The following ADK variants were observed in gnomAD, a reference collection of about 807,000 sequenced individuals.
ADK encodes the protein N6,N6-dimethyladenosine kinase.
Under a neutral mutation model 44.7 loss-of-function variants are expected in ADK, and 24 were observed. The observed-to-expected ratio is 0.54, with a 90% CI of 0.39 to 0.76. The LOEUF is 0.76. Ranked by LOEUF, ADK falls within the 30% of genes least tolerant of loss-of-function variation. The probability of loss-of-function intolerance (pLI) is 0.00; values close to 1 mark genes in which losing one functional copy is unlikely to be tolerated. For missense variants in ADK, 321 were observed against 425.1 expected (o/e 0.76, Z 2.15); for synonymous variants, 128 against 142.6 (o/e 0.90, Z 0.73).
In ADK at chr10:74,595,462, C is replaced by T. The variant is rs1353448224; in HGVS notation, c.763-4917C>T. Among the ~76,000 whole-genome samples, 4 of 142,476 alleles carry T rather than the reference C, an allele frequency of 2.8e-5. No individual in the cohort carries two copies. The South Asian group carries it at 6.9e-4, about 25-fold the overall frequency. 93.5% of individuals were successfully genotyped at this position (142,476 alleles called of 152,430 possible). ...CGTGATCTTTGCTCACTGCAAGCTC[C>T]GCCTCCCGGGTTCACTCCATTCTCC... On this transcript the variant is annotated intron_variant, in intron 8 of 10. Transcript: ENST00000539909.
At chr10:74,452,111 A>G (rs1187094233) in intron 6 of ADK, among the ~76,000 whole-genome samples, 2 of 152,006 alleles carry the variant, frequency 1.3e-5, no homozygotes, top group African/African-American at 2.4e-5. Flanking sequence ...TCTCCCTTGA[A>G]CAAATAACAG....
At chr10:74,594,403 A>T (rs1437476780) in intron 8 of ADK, among the ~76,000 whole-genome samples, 1 of 107,562 alleles carries the variant, frequency 9.3e-6, no homozygotes, top group East Asian at 1.3e-3. Context: ...AGAAGAAATA[A>T]AAAAAAAATT....
chr10:74,497,886 C>CTT (rs550233278), intron 6 of ADK, among the ~76,000 whole-genome samples: 1 of 144,966 alleles, frequency 6.9e-6, no homozygotes, highest in Non-Finnish European at 1.5e-5. Context: ...AAGACCTTTT[C>CTT]TTTTTTTTTT....
intron 9 of ADK, among the ~76,000 whole-genome samples, chr10:74,648,663 C>T (rs969642616): frequency 9.9e-5 from 15 of 151,304 alleles, no homozygotes; most frequent in South Asian, 6.3e-4. Context: ...GGTGACAAAG[C>T]GAGACTCCAT....
intron 9 of ADK, among the ~76,000 whole-genome samples, chr10:74,639,966 A>G (rs1853782507): frequency 6.6e-6 from 1 of 152,210 alleles, no homozygotes; most frequent in Non-Finnish European, 1.5e-5. Context: ...TTCATACTTT[A>G]AAAAACATAT....
chr10:74,507,769 G>A (rs934754704), intron 6 of ADK, among the ~76,000 whole-genome samples: 2 of 152,124 alleles, frequency 1.3e-5, no homozygotes, highest in Admixed American at 1.3e-4. Context: ...TAAGGTTATG[G>A]TCAGGTCAGA....
chr10:74,570,548 A>C (rs980768008), intron 7 of ADK, among the ~76,000 whole-genome samples: 3 of 152,240 alleles, frequency 2.0e-5, no homozygotes, highest in South Asian at 4.1e-4. Context: ...TTCTCTTTGA[A>C]GCAATTGTGA....
intron 6 of ADK, among the ~76,000 whole-genome samples, chr10:74,442,839 G>T (rs764394918): frequency 1.2e-4 from 19 of 152,100 alleles, no homozygotes; most frequent in Non-Finnish European, 2.5e-4. Context: ...CCTTAAAAAA[G>T]AAGGAAATCC....
intron 3 of ADK, among the ~76,000 whole-genome samples, chr10:74,240,314 T>C (rs1845156368): frequency 1.3e-5 from 2 of 152,086 alleles, no homozygotes; most frequent in African/African-American, 4.8e-5. Context: ...TATATAATCC[T>C]ATCAAAATAT....
chr10:74,242,836 G>C (rs999743617), intron 3 of ADK, among the ~76,000 whole-genome samples: 1 of 152,190 alleles, frequency 6.6e-6, no homozygotes, highest in Non-Finnish European at 1.5e-5. Flanking sequence ...AAAAGAGATG[G>C]CTTGACTTCG....
At chr10:74,215,928 T>A (rs1186279425) in intron 2 of ADK, among the ~76,000 whole-genome samples, 2 of 152,036 alleles carry the variant, frequency 1.3e-5, no homozygotes, top group African/African-American at 4.8e-5. Context: ...AGTGCTGGGA[T>A]TACAGGCGTG....
At chr10:74,159,210 A>T (rs1841829656) in intron 1 of ADK, among the ~76,000 whole-genome samples, 1 of 152,190 alleles carries the variant, frequency 6.6e-6, no homozygotes, top group Non-Finnish European at 1.5e-5. Flanking sequence ...TTTTACTTTC[A>T]TTGCATGCAT....
At chr10:74,622,992 A>AGT (rs1465698259) in intron 9 of ADK, among the ~76,000 whole-genome samples, 2 of 152,310 alleles carry the variant, frequency 1.3e-5, no homozygotes, top group South Asian at 2.1e-4. Context: ...GGACAACAAG[A>AGT]GTGAAACTCC....
chr10:74,572,499 G>A (rs971180128), intron 7 of ADK, among the ~76,000 whole-genome samples: 4 of 152,046 alleles, frequency 2.6e-5, no homozygotes, highest in Non-Finnish European at 5.9e-5. Flanking sequence ...TGCTCTTCTC[G>A]AGGAGTATCT....
At chr10:74,423,878 C>T (rs1844675259) in intron 6 of ADK, 1 of 243,680 alleles carries the variant, frequency 4.1e-6, no homozygotes, top group Non-Finnish European at 8.5e-6. Flanking sequence ...AGGAAGGCTG[C>T]TCTGATTATG....
chr10:74,176,210 G>C (rs973547976), intron 1 of ADK, among the ~76,000 whole-genome samples: 1 of 152,170 alleles, frequency 6.6e-6, no homozygotes, highest in Non-Finnish European at 1.5e-5. Flanking sequence ...GTTCAGGAAC[G>C]TTTGGGACCA....
intron 9 of ADK, among the ~76,000 whole-genome samples, chr10:74,637,332 A>T (rs1345580811): frequency 6.6e-6 from 1 of 152,222 alleles, no homozygotes; most frequent in Non-Finnish European, 1.5e-5. Flanking sequence ...AGAAAAAAAA[A>T]TGCCTTGAAT....
chr10:74,326,514 G>A (rs181662570), intron 4 of ADK, among the ~76,000 whole-genome samples: 12 of 152,154 alleles, frequency 7.9e-5, no homozygotes, highest in African/African-American at 2.6e-4. Flanking sequence ...GGGAGGCTGA[G>A]GCAGGAGGAT....
intron 9 of ADK, among the ~76,000 whole-genome samples, chr10:74,668,600 A>G (rs904660401): frequency 5.3e-5 from 8 of 152,134 alleles, no homozygotes; most frequent in Non-Finnish European, 1.0e-4. Context: ...GCTGGGCGTG[A>G]TGGCACATGA....
Sources: allele counts gnomAD v4.1 joint callset (sites outside exome capture counted in the v4.1 genomes callset), GRCh38; gene constraint gnomAD v4.1.1; transcripts MANE v1.5; gene names NCBI Gene and HGNC (gene_info 2026-07-23, HGNC 2026-07-21).